The following RPUSD3 variants were observed in gnomAD, a reference collection of about 807,000 sequenced individuals.
RPUSD3 encodes RNA pseudouridine synthase D3.
Under a neutral mutation model 35.1 loss-of-function variants are expected in RPUSD3, and 36 were observed. That is an observed-to-expected ratio of 1.02 (90% confidence interval 0.79 to 1.35). The LOEUF is 1.35. RPUSD3 is among the 40% of genes most tolerant of loss of function. The pLI is 0.00. For synonymous variants in RPUSD3, 202 were observed against 187.8 expected (o/e 1.08, Z -0.62); for missense variants, 486 against 441.9 (o/e 1.10, Z -0.89).
rs61738608 is a variant in RPUSD3 at position 9,842,013 on chromosome 3, T to G, written c.377A>C (p.Gln126Pro). ...AGATGCTCGGACAACCTGAAGCTCC[T>G]GCTCCCTGAGCCCTAGGGACTGGCT... is the stretch of plus-strand genomic sequence containing the variant. Residue 126 changes from glutamine to proline, a missense_variant, in exon 4 of 9, where the codon CAG (glutamine) becomes CCG (proline). Physicochemically the swap from Gln to Pro is moderately conservative, Grantham distance 76 (BLOSUM62 -1). Transcript: ENST00000383820. 9.9e-6 allele frequency: 16 copies of G among 1,613,930 alleles called. No individual in the cohort carries two copies. The highest frequency in any genetic ancestry group is 1.3e-5 in the African/African-American group (1 of 74,918).
In RPUSD3 at chr3:9,843,513, G is replaced by A. The variant is rs780577835; in HGVS notation, c.214C>T (p.Arg72Trp). The stretch of plus-strand genomic sequence containing the variant: ...CGCAGCGCATCAACCAGCTCCTCCC[G>A]ACTGAGGTTTTTTGGCAGCAGCCCC... Residue 72 changes from arginine to tryptophan, a missense_variant, in exon 2 of 9, where the codon CGG (arginine) becomes TGG (tryptophan). Arg to Trp is a moderately radical substitution (Grantham distance 101, BLOSUM62 -3). Coordinates refer to ENST00000383820, the Ensembl canonical transcript of RPUSD3. 6 of 1,613,968 alleles carry A rather than the reference G, an allele frequency of 3.7e-6. No homozygotes were observed. In the Admixed American group the frequency reaches 5.0e-5, roughly 13 times the overall value.
In RPUSD3 at chr3:9,840,512, C is replaced by T. The variant is rs1226199340; in HGVS notation, c.600+20G>A. On this transcript the variant is annotated intron_variant, in intron 6 of 8. Coordinates refer to ENST00000383820, the Ensembl canonical transcript of RPUSD3. ...TACTATATCTAGAAGCACCCCTCCT[C>T]TTCCCAGACCCGGACTCACGAGATT... 6.2e-7 allele frequency: 1 copy of T among 1,613,332 alleles called. No homozygotes were observed. Among genetic ancestry groups the T allele is most frequent in the Non-Finnish European group, 8.5e-7 (1 of 1,179,304 alleles).
In RPUSD3 at chr3:9,843,481, G is replaced by C. The variant is rs2082133048; in HGVS notation, c.246C>G (p.Ala82=). Reference sequence around the variant, plus strand: ...ACCCCTCACCTTTCCGGTCCACCACGGCTGCCCGCAGCGCATCAACCAGCT... The same window carrying C: ...ACCCCTCACCTTTCCGGTCCACCACCGCTGCCCGCAGCGCATCAACCAGCT... The change falls in exon 2 of 9, where the codon GCC becomes GCG. Residue 82 remains alanine, a synonymous_variant. Transcript: ENST00000383820. 5.0e-6 allele frequency: 8 copies of C among 1,613,936 alleles called. No homozygotes were observed. The East Asian group carries it at 1.3e-4, about 27-fold the overall frequency.
At chr3:9,840,894 G>A in intron 4 of RPUSD3, 89 bp from the exon 5 acceptor site, 2 of 868,104 alleles carry the variant, frequency 2.3e-6, no homozygotes, top group East Asian at 2.7e-5. Context: ...CCTGCTTCAG[G>A]CCAAACACTA....
At chr3:9,840,646 G>A in intron 5 of RPUSD3, 30 bp from the exon 6 acceptor site, 2 of 1,611,342 alleles carry the variant, frequency 1.2e-6, no homozygotes, top group Admixed American at 3.3e-5. Flanking sequence ...AGGTCACAGG[G>A]TGGCTTGCTG....
chr3:9,839,223 C>T, intron 7 of RPUSD3, 52 bp from the exon 8 acceptor site: 2 of 1,566,662 alleles, frequency 1.3e-6, no homozygotes, highest in Non-Finnish European at 8.7e-7. Context: ...CGTTCTGTGC[C>T]ACCCAGTATC....
intron 2 of RPUSD3, chr3:9,842,721 A>G (rs2082121305): frequency 5.9e-6 from 1 of 169,886 alleles, no homozygotes; most frequent in Non-Finnish European, 1.3e-5. Context: ...CAGTGCCTGG[A>G]ACATAGCATA....
exon 9 of RPUSD3, chr3:9,837,854 T>C (rs1407564943): frequency 1.5e-6 from 1 of 669,750 alleles, no homozygotes; most frequent in South Asian, 2.5e-5. Flanking sequence ...TAACATGAGG[T>C]AGGAACTTTT....
exon 7 of RPUSD3, chr3:9,840,249 A>G (rs1292027790): frequency 2.5e-6 from 4 of 1,614,160 alleles, no homozygotes; most frequent in Non-Finnish European, 3.4e-6. Context: ...AAAGTGACTG[A>G]GAGTCTTCTT....
intron 2 of RPUSD3, 73 bp from the exon 3 acceptor site, chr3:9,842,316 G>A (rs1036638879): frequency 2.1e-5 from 31 of 1,461,158 alleles, no homozygotes; most frequent in Non-Finnish European, 2.7e-5. Flanking sequence ...AGTTTCCAGA[G>A]CACTTTCTCA....
Position 9,838,850 on chromosome 3 carries a change from C to A in RPUSD3, c.864+182G>T. 3 of 689,380 alleles carry A rather than the reference C, an allele frequency of 4.4e-6. No homozygotes were observed. In the South Asian group the frequency reaches 5.6e-5, roughly 13 times the overall value. The allele number at this position is 689,380 out of a possible 1,614,324, so 42.7% of individuals were successfully genotyped here. A position where few individuals can be genotyped will look rare whatever the true frequency, so the allele number is the denominator to read the frequency against. ...TTGAACACATGGACAGAATGAAGCC[C>A]AAGAGAGTGAGTGTTACTTGCCCAA... is the stretch of plus-strand genomic sequence containing the variant. On this transcript the variant is annotated intron_variant, in intron 8 of 8. Coordinates refer to ENST00000383820, the Ensembl canonical transcript of RPUSD3.
chr3:9,839,115 C>T (rs781682741), exon 8 of RPUSD3: 6 of 1,614,166 alleles, frequency 3.7e-6, no homozygotes, highest in Admixed American at 3.3e-5. Flanking sequence ...TACATGTGGT[C>T]CCCAAGCACA....
At chr3:9,840,832 G>T (rs750736977) in intron 4 of RPUSD3, 27 bp from the exon 5 acceptor site, 1 of 1,582,238 alleles carries the variant, frequency 6.3e-7, no homozygotes, top group African/African-American at 1.4e-5. Flanking sequence ...AATCACACAA[G>T]TTAAAGTCCC....
At chr3:9,840,979 A>G in intron 4 of RPUSD3, 174 bp from the exon 5 acceptor site, 1 of 498,622 alleles carries the variant, frequency 2.0e-6, no homozygotes, top group Non-Finnish European at 3.5e-6. Context: ...AAGACTATGT[A>G]GCTTAATGTG....
chr3:9,843,988 C>A (rs1481374792), exon 1 of RPUSD3: 2 of 1,597,788 alleles, frequency 1.3e-6, no homozygotes, highest in East Asian at 2.3e-5. Flanking sequence ...GGCGGCCGTC[C>A]ATCTCCCGAG....
At chr3:9,840,742 G>A in exon 5 of RPUSD3, 1 of 1,614,156 alleles carries the variant, frequency 6.2e-7, no homozygotes, top group Non-Finnish European at 8.5e-7. Flanking sequence ...CATGGGTGAA[G>A]TACTTCTGGA....
intron 8 of RPUSD3, among the ~76,000 whole-genome samples, chr3:9,838,548 A>C (rs979965212): frequency 7.9e-5 from 12 of 152,048 alleles, no homozygotes; most frequent in African/African-American, 2.9e-4. Flanking sequence ...GAAAAACCTT[A>C]TCCACTTGAA....
intron 2 of RPUSD3, chr3:9,842,557 T>G (rs2082119255): frequency 2.2e-6 from 1 of 463,728 alleles, no homozygotes; most frequent in African/African-American, 2.0e-5. Flanking sequence ...CTCACCATCA[T>G]AACACCCTGT....
rs537101855 is a variant in RPUSD3 at position 9,840,632 on chromosome 3, G to A, written c.516-16C>T. 3.3e-4 allele frequency: 526 copies of A among 1,613,156 alleles called. 4 individuals carry two copies. In the South Asian group the frequency reaches 5.5e-3, roughly 17 times the overall value. ...AGTGACAGCACTGAGAAAGGGGCAG[G>A]AGGAGGTCACAGGGTGGCTTGCTGG... On this transcript the variant is annotated splice_polypyrimidine_tract_variant and intron_variant, in intron 5 of 8. Coordinates refer to ENST00000383820, the Ensembl canonical transcript of RPUSD3.
Sources: gnomAD v4.1 joint callset for allele counts (sites outside exome capture counted in the v4.1 genomes callset) on GRCh38, gnomAD v4.1.1 for gene constraint, MANE v1.5 for transcripts, NCBI Gene and HGNC (gene_info 2026-07-23, HGNC 2026-07-21) for gene names.